Variants in PCDH11X observed in about 807,000 individuals in gnomAD.
The protein encoded by PCDH11X is protocadherin-11 X-linked.
A neutral mutation model predicts 53.3 loss-of-function variants in PCDH11X; 18 were observed. That is an observed-to-expected ratio of 0.34 (90% CI 0.23 to 0.50). The LOEUF is 0.50. Ranked by LOEUF, PCDH11X falls within the 20% of genes least tolerant of loss-of-function variation. The pLI, the probability that PCDH11X is intolerant of heterozygous loss-of-function variation, is 0.98. For missense variants in PCDH11X, 570 were observed against 1,032.4 expected, an observed-to-expected ratio of 0.55 and a Z score of 6.14; for synonymous variants, 279 against 393.3, an observed-to-expected ratio of 0.71 and a Z score of 3.44.
At position 92,618,681 on chromosome X, in the gene PCDH11X, C is replaced by T. The variant is rs748428631; in HGVS notation, c.3785C>T (p.Pro1262Leu). The T allele has an allele frequency of 2.0e-5, 24 of 1,210,658 alleles. No individual in the cohort carries two copies. Among genetic ancestry groups the T allele is most frequent in the Non-Finnish European group, 2.2e-5 (20 of 895,333 alleles). The change falls in exon 11 of 11, where the codon CCA becomes CTA. Residue 1262 changes from proline to leucine, a missense_variant. Transcript: ENST00000682573. ...GCAATCAGCCACAGCTCTCCTCTGC[C>T]ACAGGTTATTGCCCTCCATCGTAGT... Reference protein sequence around the residue: ...AAAISHSSPLPQVIALHRSQA... With the variant: ...AAAISHSSPLLQVIALHRSQA...
chrX:92,314,810 A>C (rs1466133708), intron 8 of PCDH11X, among the ~76,000 whole-genome samples: 1 of 111,301 alleles, frequency 9.0e-6, no homozygotes, highest in Admixed American at 9.6e-5. Flanking sequence ...GTTTTGTGGG[A>C]TATCTAAAAC....
At chrX:92,242,888 T>G (rs1198596125) in intron 7 of PCDH11X, among the ~76,000 whole-genome samples, 1 of 111,613 alleles carries the variant, frequency 9.0e-6, no homozygotes, top group Non-Finnish European at 1.9e-5. Flanking sequence ...TTCTTGTGCA[T>G]GTTTGACATT....
chrX:91,971,907 G>A lies in PCDH11X; in HGVS notation c.3033+92634G>A, dbSNP rs745518890. Among the ~76,000 whole-genome samples, 316 of 111,480 alleles carry A rather than the reference G, an allele frequency of 2.8e-3. 1 individual carries two copies. The highest frequency in any genetic ancestry group is 9.9e-3 in the African/African-American group (304 of 30,690). Reference sequence around the variant, plus strand: ...AAACTACCTGAAATGGTGGTTGCCAGCATTTGAGAGTTGGGGTATTGGGGA... The same window carrying A: ...AAACTACCTGAAATGGTGGTTGCCAACATTTGAGAGTTGGGGTATTGGGGA... On this transcript the variant is annotated intron_variant, in intron 6 of 10. Transcript: ENST00000682573.
intron 6 of PCDH11X, chrX:91,983,575 A>T (rs1413931218): frequency 2.3e-6 from 1 of 439,358 alleles, no homozygotes; most frequent in Non-Finnish European, 4.1e-6. Context: ...GGAGGCAGAG[A>T]ACTAAGTGGA....
chrX:92,306,157 A>G (rs2068823886), intron 8 of PCDH11X, among the ~76,000 whole-genome samples: 1 of 109,857 alleles, frequency 9.1e-6, no homozygotes, highest in Non-Finnish European at 1.9e-5. Flanking sequence ...CCAATAGGTC[A>G]AGGAAGAAGT....
At chrX:92,414,808 A>G (rs1446011583) in intron 9 of PCDH11X, among the ~76,000 whole-genome samples, 1 of 111,816 alleles carries the variant, frequency 8.9e-6, no homozygotes, top group East Asian at 2.8e-4. Flanking sequence ...TGCACCAGTA[A>G]CACCTCATAT....
chrX:92,290,929 T>C (rs1187374410), intron 8 of PCDH11X, among the ~76,000 whole-genome samples: 1 of 102,423 alleles, frequency 9.8e-6, no homozygotes, highest in Non-Finnish European at 2.0e-5. Flanking sequence ...TGAGACAGTG[T>C]CTCTCTCTGT....
intron 9 of PCDH11X, among the ~76,000 whole-genome samples, chrX:92,452,209 C>T (rs1437148142): frequency 2.0e-5 from 2 of 101,184 alleles, no homozygotes; most frequent in African/African-American, 3.6e-5. Context: ...TATATTCATC[C>T]GAACCATACG....
chrX:92,415,251 A>T (rs2071783015), intron 9 of PCDH11X, among the ~76,000 whole-genome samples: 1 of 111,806 alleles, frequency 8.9e-6, no homozygotes, highest in Admixed American at 9.5e-5. Context: ...TCTAAGTTAC[A>T]CTACCACTTT....
intron 6 of PCDH11X, among the ~76,000 whole-genome samples, chrX:91,880,825 T>C (rs1939859081): frequency 9.1e-6 from 1 of 110,278 alleles, no homozygotes; most frequent in South Asian, 3.9e-4. Flanking sequence ...TGTGTTTTTG[T>C]TTATATTTAA....
At chrX:92,345,253 G>A (rs2069863595) in intron 8 of PCDH11X, among the ~76,000 whole-genome samples, 2 of 110,685 alleles carry the variant, frequency 1.8e-5, no homozygotes, top group Admixed American at 1.9e-4. Flanking sequence ...TTTTTTTACT[G>A]TTGTGTCTAG....
At chrX:92,425,494 G>A (rs4020641) in intron 9 of PCDH11X, among the ~76,000 whole-genome samples, 1 of 105,705 alleles carries the variant, frequency 9.5e-6, no homozygotes, top group African/African-American at 3.4e-5. Flanking sequence ...ATTAGAGACG[G>A]TGAAGACTTG....
At chrX:91,963,313 A>G (rs758591117) in intron 6 of PCDH11X, among the ~76,000 whole-genome samples, 4 of 110,707 alleles carry the variant, frequency 3.6e-5, no homozygotes, top group Admixed American at 9.5e-5. Flanking sequence ...ATGATTTACT[A>G]CTTACAGATT....
intron 8 of PCDH11X, among the ~76,000 whole-genome samples, chrX:92,346,022 G>T (rs1208994384): frequency 9.1e-6 from 1 of 109,933 alleles, no homozygotes; most frequent in Non-Finnish European, 1.9e-5. Context: ...TTGTTGTTTT[G>T]AATTTCCAAT....
intron 5 of PCDH11X, among the ~76,000 whole-genome samples, chrX:91,872,896 T>G (rs1045456497): frequency 9.3e-6 from 1 of 106,991 alleles, no homozygotes; most frequent in Non-Finnish European, 1.9e-5. Context: ...GATGTTGGAT[T>G]CATGTGTTAG....
chrX:92,412,673 A>G (rs182676904), intron 9 of PCDH11X, among the ~76,000 whole-genome samples: 19,739 of 103,533 alleles, frequency 0.19, 1,834 homozygotes, highest in Middle Eastern at 0.28. Flanking sequence ...TCTTGCATCT[A>G]TAGTACCTTC....
chrX:91,807,554 A>G (rs1401753495), intron 1 of PCDH11X, among the ~76,000 whole-genome samples: 2 of 110,197 alleles, frequency 1.8e-5, no homozygotes, highest in Non-Finnish European at 3.8e-5. Context: ...TGGGTGGCCA[A>G]ATTCATAGAG....
rs540105366 is a variant in PCDH11X at position 91,807,243 on chromosome X, G to T, written c.-378-2223G>T. Reference sequence around the variant, plus strand: ...GTGTGCCTGTAGTCCTAGTTGGGAGGCTGAGGTAGGAGGATTGGTCAAGCC... The same window carrying T: ...GTGTGCCTGTAGTCCTAGTTGGGAGTCTGAGGTAGGAGGATTGGTCAAGCC... On this transcript the variant is annotated intron_variant, in intron 1 of 10. Transcript: ENST00000682573. Among the ~76,000 whole-genome samples the T allele has an allele frequency of 5.0e-4, 55 of 109,686 alleles. 1 individual carries two copies. In the South Asian group the frequency reaches 0.021, roughly 41 times the overall value.
chrX:92,116,617 C>A (rs1191064781), intron 6 of PCDH11X, among the ~76,000 whole-genome samples: 1 of 111,680 alleles, frequency 9.0e-6, no homozygotes, highest in African/African-American at 3.3e-5. Context: ...GACAGGGTCT[C>A]CCTCTGTTGC....
Sources: allele counts gnomAD v4.1 joint callset (sites outside exome capture counted in the v4.1 genomes callset), GRCh38; gene constraint gnomAD v4.1.1; transcripts MANE v1.5; gene names NCBI Gene and HGNC (gene_info 2026-07-23, HGNC 2026-07-21).